The following KNDC1 variants were observed in gnomAD, a reference collection of about 807,000 sequenced individuals.
KNDC1 encodes the protein kinase non-catalytic C-lobe domain containing 1.
In KNDC1, 106 loss-of-function variants were observed where a neutral mutation model predicts 172.8. The observed-to-expected ratio is 0.61, with a 90% CI of 0.52 to 0.72. KNDC1 has a LOEUF of 0.72. KNDC1 is among the 30% of genes least tolerant of loss of function. The pLI is 0.00. For missense variants in KNDC1, 2,325 were observed against 2,394.5 expected, an observed-to-expected ratio of 0.97 and a Z score of 0.61; for synonymous variants, 1,083 against 1,062.2, an observed-to-expected ratio of 1.02 and a Z score of -0.38.
intron 3 of KNDC1, among the ~76,000 whole-genome samples, chr10:133,175,151 G>A (rs1853493869): frequency 6.7e-6 from 1 of 148,270 alleles, no homozygotes. Flanking sequence ...ATGGGTGGAT[G>A]AAAAGGTAGA....
At chr10:133,199,308 G>A in intron 14 of KNDC1, 42 bp downstream of exon 14, 1 of 1,543,370 alleles carries the variant, frequency 6.5e-7, no homozygotes. Flanking sequence ...GCCCGGGCCA[G>A]GGAGAGCCCC....
At chr10:133,202,201 C>T (rs781179788) in intron 17 of KNDC1, 10 of 662,000 alleles carry the variant, frequency 1.5e-5, no homozygotes, top group East Asian at 6.0e-5. Context: ...CCTCCATGCT[C>T]GTGACCAGGT....
chr10:133,161,308 GA>G (rs1852961664), intron 1 of KNDC1, among the ~76,000 whole-genome samples: 1 of 152,196 alleles, frequency 6.6e-6, no homozygotes, highest in Non-Finnish European at 1.5e-5. Context: ...CCAGGGATCC[GA>G]GATCTGCCAA....
intron 3 of KNDC1, among the ~76,000 whole-genome samples, chr10:133,175,634 AGT>A (rs2135959573): frequency 7.5e-6 from 1 of 132,606 alleles, no homozygotes; most frequent in South Asian, 2.7e-4. Context: ...TGGATTGATG[AGT>A]GTATGAATTG....
At position 133,206,869 on chromosome 10, in the gene KNDC1, G is replaced by A. The variant is rs951491575; in HGVS notation, c.3495G>A (p.Lys1165=). The change falls in exon 19 of 30, where the codon AAG becomes AAA. Residue 1165 remains lysine (K), a synonymous_variant. Coordinates refer to ENST00000304613, the MANE Select transcript of KNDC1 (RefSeq NM_152643.8). ...KEKRNKGSDV[K]TMLSKLKGQL... ...CTCCACCCACAGGTTCCGACGTCAA[G>A]ACCATGCTGTCCAAGCTGAAAGGGC... The A allele has an allele frequency of 3.1e-6, 5 of 1,614,144 alleles. No homozygotes were observed. Among genetic ancestry groups the A allele is most frequent in the Non-Finnish European group, 4.2e-6 (5 of 1,180,010 alleles).
intron 3 of KNDC1, among the ~76,000 whole-genome samples, chr10:133,180,243 C>T (rs531145754): frequency 3.9e-5 from 6 of 152,384 alleles, no homozygotes; most frequent in African/African-American, 1.2e-4. Context: ...TCAGGGTGCA[C>T]CATCCTTCAG....
chr10:133,183,294 G>A (rs1273184153), intron 3 of KNDC1, 50 bp from the exon 4 acceptor site: 1 of 1,524,264 alleles, frequency 6.6e-7, no homozygotes, highest in Non-Finnish European at 8.8e-7. Context: ...CCGCGGTCGG[G>A]GTGGCGCACA....
chr10:133,181,957 TTC>T (rs1564881141), intron 3 of KNDC1, among the ~76,000 whole-genome samples: 3 of 152,142 alleles, frequency 2.0e-5, no homozygotes, highest in Non-Finnish European at 4.4e-5. Context: ...CTGTGACACT[TTC>T]TGTCTTGTTC....
intron 1 of KNDC1, among the ~76,000 whole-genome samples, chr10:133,162,693 G>T (rs1853015941): frequency 6.6e-6 from 1 of 152,254 alleles, no homozygotes; most frequent in African/African-American, 2.4e-5. Flanking sequence ...AAGAACTGAA[G>T]AGCGGACAGC....
chr10:133,205,668 T>C (rs1206873099), intron 17 of KNDC1, among the ~76,000 whole-genome samples: 1 of 152,152 alleles, frequency 6.6e-6, no homozygotes, highest in Non-Finnish European at 1.5e-5. Context: ...TGGGCTTCTT[T>C]AAGTTTAAAA....
chr10:133,213,820 T>A lies in KNDC1; in HGVS notation c.4526+93T>A, dbSNP rs1378959461. 7.7e-6 allele frequency: 11 copies of A among 1,433,432 alleles called. No individual in the cohort carries two copies. In the Middle Eastern group the frequency reaches 5.5e-4, roughly 71 times the overall value. 88.8% of individuals were successfully genotyped at this position (1,433,432 alleles called of 1,614,324 possible). A position where few individuals can be genotyped will look rare whatever the true frequency, so the allele number is the denominator to read the frequency against. ...GTGGACGCTCCTGACCAGCAGGAGA[T>A]GCCTGTGTCTCCAGAGACGCGAGAG... On this transcript the variant is annotated intron_variant, in intron 25 of 29. Coordinates refer to ENST00000304613, the MANE Select transcript of KNDC1 (RefSeq NM_152643.8).
intron 5 of KNDC1, among the ~76,000 whole-genome samples, chr10:133,184,945 G>C (rs1853847732): frequency 6.6e-6 from 1 of 152,286 alleles, no homozygotes; most frequent in East Asian, 1.9e-4. Context: ...AGCATCTGGG[G>C]CGTTTGTGGC....
At chr10:133,167,173 T>C in intron 1 of KNDC1, 1 of 597,682 alleles carries the variant, frequency 1.7e-6, no homozygotes. Flanking sequence ...ACGCCGACGG[T>C]GCCACCAAAT....
At chr10:133,196,837 T>C (rs1328595085) in intron 10 of KNDC1, among the ~76,000 whole-genome samples, 2 of 152,192 alleles carry the variant, frequency 1.3e-5, no homozygotes, top group Admixed American at 1.3e-4. Flanking sequence ...TTTGGGATTC[T>C]GCCCTCCCAG....
At chr10:133,169,027 C>T (rs956498112) in intron 3 of KNDC1, among the ~76,000 whole-genome samples, 1 of 152,214 alleles carries the variant, frequency 6.6e-6, no homozygotes, top group Non-Finnish European at 1.5e-5. Context: ...AGGGAGTGGC[C>T]CATTGGTGGT....
chr10:133,181,670 G>T (rs1591235220), intron 3 of KNDC1, among the ~76,000 whole-genome samples: 2 of 152,204 alleles, frequency 1.3e-5, no homozygotes, highest in East Asian at 1.9e-4. Context: ...GTCAGCCGGG[G>T]TTCCTGACCG....
At chr10:133,214,341 C>A (rs910683968) in intron 26 of KNDC1, among the ~76,000 whole-genome samples, 7 of 152,238 alleles carry the variant, frequency 4.6e-5, no homozygotes, top group Non-Finnish European at 8.8e-5. Context: ...AGCTCTCCCC[C>A]AGCACTGCCT....
At chr10:133,194,022 T>C (rs573485624) in intron 9 of KNDC1, among the ~76,000 whole-genome samples, 2 of 152,318 alleles carry the variant, frequency 1.3e-5, no homozygotes, top group East Asian at 3.9e-4. Context: ...ACAATCAGAC[T>C]GTAAACCAGT....
chr10:133,222,536 C>CGTGT (rs577540424), intron 29 of KNDC1, among the ~76,000 whole-genome samples: 1 of 20,094 alleles, frequency 5.0e-5, no homozygotes, highest in African/African-American at 1.4e-4. Context: ...CTCTTCCCGG[C>CGTGT]GTGTGTGTGT....
Sources: allele counts gnomAD v4.1 joint callset (sites outside exome capture counted in the v4.1 genomes callset), GRCh38; gene constraint gnomAD v4.1.1; transcripts MANE v1.5; gene names NCBI Gene and HGNC (gene_info 2026-07-23, HGNC 2026-07-21).